Variants in RIC1 observed in about 807,000 individuals in gnomAD.
RIC1 encodes the protein RIC1 partner of RAB6A GEF complex.
A neutral mutation model predicts 169.0 loss-of-function variants in RIC1; 88 were observed. The ratio of observed to expected loss-of-function variants is 0.52; its 90% CI spans 0.44 to 0.62. The LOEUF is 0.62. Ranked by LOEUF, RIC1 falls within the 20% of genes least tolerant of loss-of-function variation. RIC1 has a pLI of 0.00. For missense variants in RIC1, 1,877 were observed against 1,725.5 expected (o/e 1.09, Z -1.56); for synonymous variants, 790 against 601.5 (o/e 1.31, Z -4.59).
intron 2 of RIC1, 21 bp from the exon 3 acceptor site, chr9:5,689,938 T>C (rs1821495692): frequency 2.0e-6 from 3 of 1,482,182 alleles, no homozygotes; most frequent in Non-Finnish European, 2.8e-6. Context: ...TAATTCATGA[T>C]TAATAAAATT....
chr9:5,719,866 T>C (rs1416985208), intron 4 of RIC1, among the ~76,000 whole-genome samples: 1 of 152,226 alleles, frequency 6.6e-6, no homozygotes, highest in Non-Finnish European at 1.5e-5. Flanking sequence ...CATTTTATGG[T>C]TTCTCTACCT....
intron 12 of RIC1, among the ~76,000 whole-genome samples, chr9:5,751,229 C>T (rs1254381674): frequency 2.0e-5 from 3 of 151,742 alleles, no homozygotes; most frequent in South Asian, 4.1e-4. Context: ...TACTCAGGTA[C>T]ATCCTCCTGC....
At chr9:5,711,479 C>A (rs561918616) in intron 3 of RIC1, among the ~76,000 whole-genome samples, 8 of 152,148 alleles carry the variant, frequency 5.3e-5, no homozygotes, top group African/African-American at 1.9e-4. Flanking sequence ...TTCAGTTTTC[C>A]CATTTTAACT....
chr9:5,768,658 A>C (rs1826969190), intron 21 of RIC1, among the ~76,000 whole-genome samples: 1 of 152,028 alleles, frequency 6.6e-6, no homozygotes, highest in East Asian at 1.9e-4. Context: ...TGGGCTTTTC[A>C]AATATAGCAT....
At chr9:5,636,697 T>C (rs1817988376) in intron 1 of RIC1, among the ~76,000 whole-genome samples, 1 of 152,232 alleles carries the variant, frequency 6.6e-6, no homozygotes, top group Non-Finnish European at 1.5e-5. Context: ...TGATTTTATA[T>C]CTTGCAACTT....
chr9:5,653,364 C>T (rs575130143), intron 1 of RIC1, among the ~76,000 whole-genome samples: 5 of 152,092 alleles, frequency 3.3e-5, no homozygotes, highest in Admixed American at 1.3e-4. Context: ...CAGGTAATGC[C>T]GGTCTTCCAA....
At chr9:5,766,938 G>A (rs904368019) in intron 21 of RIC1, among the ~76,000 whole-genome samples, 1 of 152,190 alleles carries the variant, frequency 6.6e-6, no homozygotes, top group Non-Finnish European at 1.5e-5. Flanking sequence ...CATAGCAGCT[G>A]TACTAGTTTA....
chr9:5,759,324 C>A (rs1272781816), intron 17 of RIC1, among the ~76,000 whole-genome samples: 3 of 152,152 alleles, frequency 2.0e-5, no homozygotes, highest in Admixed American at 1.3e-4. Context: ...TGCCAAAAAT[C>A]TTGAACCCAA....
chr9:5,757,491 C>T lies in RIC1; in HGVS notation c.1992+40C>T, dbSNP rs763993337. The stretch of plus-strand genomic sequence containing the variant: ...TCAAAGGTCTTTGGAGTTTACATTT[C>T]TGTTTTTAGTATTTGAGTCCATATT... On this transcript the variant is annotated intron_variant, in intron 17 of 25. Coordinates refer to ENST00000414202, the MANE Select transcript of RIC1 (RefSeq NM_020829.4). 3.7e-6 allele frequency: 6 copies of T among 1,607,190 alleles called. No homozygotes were observed. In the East Asian group the frequency reaches 1.3e-4, roughly 36 times the overall value.
chr9:5,711,844 C>T (rs139996636), intron 3 of RIC1, among the ~76,000 whole-genome samples: 37 of 152,152 alleles, frequency 2.4e-4, no homozygotes, highest in African/African-American at 6.3e-4. Context: ...TTTGTCCTTG[C>T]GACAGTTTGC....
intron 2 of RIC1, among the ~76,000 whole-genome samples, chr9:5,666,184 A>G (rs1819745793): frequency 6.6e-6 from 1 of 152,216 alleles, no homozygotes; most frequent in South Asian, 2.1e-4. Context: ...GGTCTCACGT[A>G]AAGAAGCAGT....
At chr9:5,771,149 T>A (rs1197355445) in intron 23 of RIC1, among the ~76,000 whole-genome samples, 1 of 152,204 alleles carries the variant, frequency 6.6e-6, no homozygotes, top group Non-Finnish European at 1.5e-5. Context: ...TGTTCTGCAA[T>A]CAGCCTCCAG....
chr9:5,712,451 G>C (rs1039156768), intron 3 of RIC1, among the ~76,000 whole-genome samples: 1 of 152,106 alleles, frequency 6.6e-6, no homozygotes, highest in Non-Finnish European at 1.5e-5. Context: ...ATCTGACAAA[G>C]GGCTAATATC....
intron 2 of RIC1, among the ~76,000 whole-genome samples, chr9:5,672,082 T>A (rs1820141414): frequency 6.6e-6 from 1 of 152,166 alleles, no homozygotes; most frequent in Non-Finnish European, 1.5e-5. Context: ...GCCCTTCTAC[T>A]CAGAGACAGT....
At chr9:5,676,762 T>A (rs1820476945) in intron 2 of RIC1, among the ~76,000 whole-genome samples, 1 of 152,258 alleles carries the variant, frequency 6.6e-6, no homozygotes, top group Admixed American at 6.5e-5. Flanking sequence ...CACTGCCAAT[T>A]ACTTTGTGTT....
intron 1 of RIC1, among the ~76,000 whole-genome samples, chr9:5,645,098 A>C (rs569443599): frequency 2.7e-5 from 4 of 147,962 alleles, no homozygotes. Flanking sequence ...TTGTCCATTT[A>C]AAAAAAAAAC....
At chr9:5,637,895 A>G (rs572438649) in intron 1 of RIC1, among the ~76,000 whole-genome samples, 12 of 152,312 alleles carry the variant, frequency 7.9e-5, no homozygotes, top group Admixed American at 2.0e-4. Flanking sequence ...TTGAATAACA[A>G]TAGTGAAGGT....
At chr9:5,673,730 C>G (rs1298130836) in intron 2 of RIC1, among the ~76,000 whole-genome samples, 2 of 151,438 alleles carry the variant, frequency 1.3e-5, no homozygotes, top group African/African-American at 2.4e-5. Context: ...TGAAAAAAAT[C>G]AAATTGCATG....
intron 3 of RIC1, among the ~76,000 whole-genome samples, chr9:5,701,607 A>G (rs1014364628): frequency 4.0e-5 from 6 of 148,776 alleles, no homozygotes; most frequent in African/African-American, 1.3e-4. Context: ...AAAAAAAAAA[A>G]GAAAAGTTCA....
Sources: allele counts gnomAD v4.1 joint callset (sites outside exome capture counted in the v4.1 genomes callset), GRCh38; gene constraint gnomAD v4.1.1; transcripts MANE v1.5; gene names NCBI Gene and HGNC (gene_info 2026-07-23, HGNC 2026-07-21).